The following RTCA variants were observed in gnomAD, a reference collection of about 807,000 sequenced individuals.
The protein encoded by RTCA is RNA 3'-terminal phosphate cyclase.
RTCA carries 37 observed loss-of-function variants against 46.1 expected under a neutral mutation model. The observed-to-expected ratio is 0.80, with a 90% CI of 0.62 to 1.06. The LOEUF is 1.06. Ranked by LOEUF, RTCA falls within the 50% of genes least tolerant of loss-of-function variation. The pLI is 0.00. For missense variants in RTCA, 435 were observed against 455.5 expected, an observed-to-expected ratio of 0.95 and a Z score of 0.41; for synonymous variants, 164 against 158.3, an observed-to-expected ratio of 1.04 and a Z score of -0.27.
At chr1:100,272,666 T>C (rs938575722) in intron 4 of RTCA, among the ~76,000 whole-genome samples, 2 of 152,152 alleles carry the variant, frequency 1.3e-5, no homozygotes, top group South Asian at 2.1e-4. Flanking sequence ...CTCTGAAATA[T>C]TGCCATTCTA....
chr1:100,288,443 C>T (rs1001756161), intron 10 of RTCA, among the ~76,000 whole-genome samples: 1 of 152,142 alleles, frequency 6.6e-6, no homozygotes, highest in Admixed American at 6.5e-5. Flanking sequence ...CAGGGTCTCA[C>T]ACTGTTGCCC....
At chr1:100,290,860 C>G (rs75143831) in intron 10 of RTCA, among the ~76,000 whole-genome samples, 140 of 152,132 alleles carry the variant, frequency 9.2e-4, no homozygotes, top group African/African-American at 3.3e-3. Context: ...GATGTTAAGC[C>G]CAGTACATTA....
rs752834790 is a variant in RTCA, at chr1:100,277,167, C to T, written c.741-91C>T. On this transcript the variant is annotated intron_variant, in intron 7 of 10. Coordinates refer to ENST00000370128, the MANE Select transcript of RTCA (RefSeq NM_003729.4). ...AATTTGTTGCCCAGATTTAGTTCTG[C>T]CTATTTAATAGTCATTGTTCTCTTT... 1.0e-5 allele frequency: 12 copies of T among 1,196,792 alleles called. No homozygotes were observed. The Admixed American group carries it at 1.6e-4, about 16-fold the overall frequency. The allele number at this position is 1,196,792 out of a possible 1,614,324, so 74.1% of individuals were successfully genotyped here.
chr1:100,286,374 A>C (rs1271776295), intron 9 of RTCA, among the ~76,000 whole-genome samples: 5 of 150,654 alleles, frequency 3.3e-5, no homozygotes, highest in Non-Finnish European at 5.9e-5. Context: ...GAAAGGCGTG[A>C]ACCTGGGAGG....
chr1:100,269,474 C>T (rs925062476), intron 3 of RTCA, among the ~76,000 whole-genome samples: 1 of 149,612 alleles, frequency 6.7e-6, no homozygotes, highest in African/African-American at 2.5e-5. Context: ...GCTGAGACTA[C>T]AGGCGTGCAC....
intron 10 of RTCA, among the ~76,000 whole-genome samples, chr1:100,288,087 C>T (rs1359491938): frequency 2.6e-5 from 4 of 152,108 alleles, no homozygotes; most frequent in African/African-American, 9.7e-5. Context: ...AGCCACTGTG[C>T]CTGGCCTGGA....
rs116144526 is a variant in RTCA at position 100,284,699 on chromosome 1, C to A, written c.800-529C>A. 9.4e-3 allele frequency among the ~76,000 whole-genome samples: 1,434 copies of A among 152,282 alleles called. 20 individuals are homozygous for A. The highest frequency in any genetic ancestry group is 0.032 in the South Asian group (156 of 4,832). On this transcript the variant is annotated intron_variant, in intron 8 of 10. Transcript: ENST00000370128. The stretch of plus-strand genomic sequence containing the variant: ...GTGAGCCACCGCACTGAGCCAAATT[C>A]TTTAATTCTGATGGAATTACCTGCA...
intron 3 of RTCA, among the ~76,000 whole-genome samples, chr1:100,269,020 CAT>C (rs962161629): frequency 1.3e-5 from 2 of 148,760 alleles, no homozygotes; most frequent in African/African-American, 5.0e-5. Flanking sequence ...AAAACCCCGT[CAT>C]ATATATATAT....
At chr1:100,277,196 T>A in intron 7 of RTCA, 62 bp from the exon 8 acceptor site, 1 of 1,449,338 alleles carries the variant, frequency 6.9e-7, no homozygotes, top group Non-Finnish European at 9.7e-7. Flanking sequence ...TCTCTTTTGT[T>A]GTATTTGCAT....
chr1:100,271,315 A>T (rs1156958975), intron 4 of RTCA, among the ~76,000 whole-genome samples: 1 of 152,042 alleles, frequency 6.6e-6, no homozygotes, highest in South Asian at 2.1e-4. Context: ...AAAAAACACT[A>T]CACACAGAAA....
chr1:100,288,534 G>A (rs116180293), intron 10 of RTCA, among the ~76,000 whole-genome samples: 6,488 of 151,914 alleles, frequency 0.043, 145 homozygotes, highest in South Asian at 0.079. Flanking sequence ...TGGGGCTACG[G>A]GAGTGTGCCA....
At chr1:100,282,813 A>G (rs191401864) in intron 8 of RTCA, among the ~76,000 whole-genome samples, 2 of 152,156 alleles carry the variant, frequency 1.3e-5, no homozygotes, top group African/African-American at 4.8e-5. Context: ...AGGTTTGTTT[A>G]TTTATTTATT....
chr1:100,272,135 A>T (rs1395740538), intron 4 of RTCA, among the ~76,000 whole-genome samples: 1 of 152,230 alleles, frequency 6.6e-6, no homozygotes, highest in Non-Finnish European at 1.5e-5. Flanking sequence ...TAACATTCAT[A>T]TACAAGTTTT....
chr1:100,289,026 G>T (rs1473506311), intron 10 of RTCA, among the ~76,000 whole-genome samples: 3 of 151,994 alleles, frequency 2.0e-5, no homozygotes, highest in African/African-American at 7.2e-5. Context: ...GTTTCACTGT[G>T]TTAGCTAGGC....
At chr1:100,269,216 G>A (rs1367880692) in intron 3 of RTCA, among the ~76,000 whole-genome samples, 3 of 151,666 alleles carry the variant, frequency 2.0e-5, no homozygotes, top group Admixed American at 2.0e-4. Flanking sequence ...AAAAGATAAT[G>A]ACCAAGTGTT....
At chr1:100,288,760 G>C (rs1245388033) in intron 10 of RTCA, among the ~76,000 whole-genome samples, 3 of 151,916 alleles carry the variant, frequency 2.0e-5, no homozygotes, top group South Asian at 2.1e-4. Context: ...CATTACAGAA[G>C]TGTCCCATAC....
intron 4 of RTCA, 75 bp downstream of exon 4, chr1:100,270,755 TGA>T: frequency 6.6e-7 from 1 of 1,515,684 alleles, no homozygotes; most frequent in African/African-American, 1.4e-5. Flanking sequence ...AAATATATCC[TGA>T]GTGTTTTTTT....
chr1:100,292,313 A>T lies in RTCA; in HGVS notation c.*809A>T, dbSNP rs1021806097. On this transcript the variant is annotated 3_prime_UTR_variant, in exon 11 of 11. Coordinates refer to ENST00000370128, the MANE Select transcript of RTCA (RefSeq NM_003729.4). Reference sequence around the variant, plus strand: ...TATTTATTTTTTATTTTATTTATTCATTTTTTTTGAGACAGAGTCTCACTC... The same window carrying T: ...TATTTATTTTTTATTTTATTTATTCTTTTTTTTTGAGACAGAGTCTCACTC... The T allele has an allele frequency of 1.1e-4, 17 of 150,872 alleles. No homozygotes were observed. Among genetic ancestry groups the T allele is most frequent in the African/African-American group, 3.9e-4 (16 of 41,020 alleles). The allele number at this position is 150,872 out of a possible 1,614,324, so 9.3% of individuals were successfully genotyped here. A position where few individuals can be genotyped will look rare whatever the true frequency, so the allele number is the denominator to read the frequency against.
chr1:100,287,023 A>G, intron 9 of RTCA, 76 bp from the exon 10 acceptor site: 1 of 985,154 alleles, frequency 1.0e-6, no homozygotes, highest in Non-Finnish European at 1.4e-6. Flanking sequence ...TAGTATTTTT[A>G]TTATGGGCAG....
Sources: gnomAD v4.1 joint callset for allele counts (sites outside exome capture counted in the v4.1 genomes callset) on GRCh38, gnomAD v4.1.1 for gene constraint, MANE v1.5 for transcripts, NCBI Gene and HGNC (gene_info 2026-07-23, HGNC 2026-07-21) for gene names.